The following DNAJB6 variants were observed in gnomAD, a reference collection of about 807,000 sequenced individuals.
DNAJB6 encodes the protein DnaJ heat shock protein family (Hsp40) member B6, also known as dnaJ homolog subfamily B member 6.
Under a neutral mutation model 42.7 loss-of-function variants are expected in DNAJB6, and 16 were observed. The ratio of observed to expected loss-of-function variants is 0.37; its 90% CI spans 0.25 to 0.57. The LOEUF (loss-of-function observed/expected upper bound fraction) is 0.57. Among genes scored for constraint, DNAJB6 ranks in the 20% least tolerant of loss-of-function variants. DNAJB6 has a pLI of 0.74. For missense variants in DNAJB6, 347 were observed against 416.8 expected (o/e 0.83, Z 1.46); for synonymous variants, 170 against 163.5 (o/e 1.04, Z -0.30).
At chr7:157,343,741 C>T (rs1389133635) in intron 1 of DNAJB6, among the ~76,000 whole-genome samples, 5 of 152,140 alleles carry the variant, frequency 3.3e-5, no homozygotes, top group South Asian at 2.1e-4. Context: ...GAGCTACCCA[C>T]GCCTAATCTT....
chr7:157,403,979 GT>G lies in DNAJB6; in HGVS notation c.692-5807del, dbSNP rs201600203. On this transcript the variant is annotated intron_variant, in intron 8 of 9. Transcript: ENST00000262177. ...ACACCTTTTCAGCCTACTGTGCAGG[GT>G]TTTTTTTTAAGGCAGGATTTCTGTT... 2.0e-4 allele frequency among the ~76,000 whole-genome samples: 30 copies of G among 151,266 alleles called. No individual in the cohort carries two copies. In the South Asian group the frequency reaches 2.9e-3, roughly 15 times the overall value.
intron 1 of DNAJB6, among the ~76,000 whole-genome samples, chr7:157,355,855 G>A (rs920968039): frequency 6.6e-6 from 1 of 152,342 alleles, no homozygotes; most frequent in South Asian, 2.1e-4. Context: ...TGACAGAGCA[G>A]GCTTTCAGTG....
intron 2 of DNAJB6, among the ~76,000 whole-genome samples, chr7:157,362,646 G>A (rs1280533579): frequency 6.6e-6 from 1 of 152,166 alleles, no homozygotes; most frequent in South Asian, 2.1e-4. Flanking sequence ...GGGATTACAG[G>A]CATGAGCCAC....
intron 8 of DNAJB6, among the ~76,000 whole-genome samples, chr7:157,394,414 C>T (rs879678284): frequency 6.6e-6 from 1 of 152,060 alleles, no homozygotes; most frequent in Non-Finnish European, 1.5e-5. Context: ...GCCTGTATTC[C>T]AGCACTTTGA....
chr7:157,359,657 T>C (rs565698037), intron 2 of DNAJB6, among the ~76,000 whole-genome samples: 144 of 152,126 alleles, frequency 9.5e-4, no homozygotes, highest in African/African-American at 3.3e-3. Context: ...GATACTGTCT[T>C]GACCAAAAAA....
intron 1 of DNAJB6, among the ~76,000 whole-genome samples, chr7:157,354,617 G>A (rs1584890476): frequency 6.6e-6 from 1 of 152,246 alleles, no homozygotes; most frequent in East Asian, 1.9e-4. Flanking sequence ...AGGATTACAG[G>A]TGTGTGCCAC....
At chr7:157,356,838 C>G (rs979688949) in intron 1 of DNAJB6, among the ~76,000 whole-genome samples, 1 of 152,202 alleles carries the variant, frequency 6.6e-6, no homozygotes, top group African/African-American at 2.4e-5. Context: ...GCATATTAAA[C>G]TTAACACCTA....
intron 2 of DNAJB6, among the ~76,000 whole-genome samples, chr7:157,362,191 C>T (rs1799637526): frequency 6.6e-6 from 1 of 152,118 alleles, no homozygotes; most frequent in Non-Finnish European, 1.5e-5. Context: ...TTGAATCTGG[C>T]ACAGAGGGTG....
Position 157,367,417 on chromosome 7 carries a change from C to T in DNAJB6, c.280C>T (p.Arg94Cys), listed in dbSNP as rs1799898371. The T allele has an allele frequency of 6.2e-7, 1 of 1,613,452 alleles. No individual in the cohort carries two copies. Among genetic ancestry groups the T allele is most frequent in the African/African-American group, 1.3e-5 (1 of 74,914 alleles). The change falls in exon 5 of 10, where the codon CGT (arginine) becomes TGT (cysteine). Residue 94 changes from arginine to cysteine, a missense_variant. Physicochemically the swap from Arg to Cys is radical, Grantham distance 180. Transcript: ENST00000262177. ...TCCATTTGAATTTGGCTTCACATTC[C>T]GTAACCCAGATGATGTCTTCAGGGA... ...DSPFEFGFTF[R>C]NPDDVFREFF...
intron 8 of DNAJB6, among the ~76,000 whole-genome samples, chr7:157,387,357 C>T (rs556444628): frequency 1.4e-4 from 21 of 152,166 alleles, no homozygotes; most frequent in African/African-American, 3.1e-4. Flanking sequence ...AGCCATGGCA[C>T]GTGCGGGAAA....
At chr7:157,388,646 G>A (rs919789956) in intron 8 of DNAJB6, among the ~76,000 whole-genome samples, 1 of 150,002 alleles carries the variant, frequency 6.7e-6, no homozygotes, top group African/African-American at 2.5e-5. Flanking sequence ...TTTGGGGGGG[G>A]GGTAAGTGGT....
intron 8 of DNAJB6, among the ~76,000 whole-genome samples, chr7:157,392,359 GTT>G (rs371536881): frequency 1.3e-4 from 18 of 137,898 alleles, no homozygotes; most frequent in Admixed American, 2.2e-4. Context: ...TTGAAAGTGG[GTT>G]TTTTTTTTTT....
chr7:157,368,069 G>C (rs945035354), intron 5 of DNAJB6, among the ~76,000 whole-genome samples: 2 of 152,086 alleles, frequency 1.3e-5, no homozygotes, highest in African/African-American at 4.8e-5. Flanking sequence ...GGTTGAGATT[G>C]GGCCACTGCA....
rs146378497 is a variant in DNAJB6, at chr7:157,408,623, G to A, written c.692-1172G>A. Among the ~76,000 whole-genome samples the A allele has an allele frequency of 4.6e-5, 7 of 152,372 alleles. No individual in the cohort carries two copies. In the East Asian group the frequency reaches 1.3e-3, roughly 29 times the overall value. On this transcript the variant is annotated intron_variant, in intron 8 of 9. Transcript: ENST00000262177. ...TGAGAGCAGGTTCCTTCCTGACCTC[G>A]GAGCCCGTTCTCTCTGTTGTGGTTG...
chr7:157,416,091 A>C lies in DNAJB6; in HGVS notation c.974A>C (p.Asn325Thr), dbSNP rs375911119. The change falls in exon 10 of 10, where the codon AAT becomes ACT. Residue 325 changes from asparagine to threonine, a missense_variant. Physicochemically the swap from Asn to Thr is moderately conservative, Grantham distance 65. Around this residue, in one of 3 missense-constraint regions of DNAJB6, gnomAD observed 264 missense variants for 288.0 expected, o/e 0.92. Coordinates refer to ENST00000262177, the MANE Select transcript of DNAJB6 (RefSeq NM_058246.4). ...ESKKKKSTKG[N>T]H ...AAGAAGAAGAAGTCGACCAAAGGCA[A>C]TCACTAGACCGGACTTGAGGCACGC... 1.2e-4 allele frequency: 189 copies of C among 1,613,776 alleles called. No individual in the cohort carries two copies. Among genetic ancestry groups the C allele is most frequent in the Non-Finnish European group, 1.5e-4 (182 of 1,179,786 alleles).
chr7:157,357,534 C>G (rs1161981220), intron 1 of DNAJB6, among the ~76,000 whole-genome samples: 2 of 151,730 alleles, frequency 1.3e-5, no homozygotes, highest in African/African-American at 4.8e-5. Context: ...TGATCTCGAA[C>G]TCCTGACCTC....
chr7:157,407,974 G>A (rs1169044208), intron 8 of DNAJB6, among the ~76,000 whole-genome samples: 5 of 152,154 alleles, frequency 3.3e-5, no homozygotes, highest in Admixed American at 6.5e-5. Context: ...CATGGCGCCC[G>A]CGGGCATGGC....
At chr7:157,347,521 G>C (rs1270745124) in intron 1 of DNAJB6, among the ~76,000 whole-genome samples, 2 of 152,114 alleles carry the variant, frequency 1.3e-5, no homozygotes, top group African/African-American at 2.4e-5. Flanking sequence ...CTTGGGTTTT[G>C]AACTTGCTGG....
chr7:157,352,551 G>A (rs1035648751), intron 1 of DNAJB6, among the ~76,000 whole-genome samples: 3 of 151,976 alleles, frequency 2.0e-5, no homozygotes, highest in Non-Finnish European at 4.4e-5. Flanking sequence ...CCTGGTGAGG[G>A]TGTGGCATCT....
Sources: allele counts gnomAD v4.1 joint callset (sites outside exome capture counted in the v4.1 genomes callset), GRCh38; gene constraint gnomAD v4.1.1; regional missense constraint gnomAD v4.1.1; transcripts MANE v1.5; gene names NCBI Gene and HGNC (gene_info 2026-07-23, HGNC 2026-07-21).